KIF27: variants seen among roughly 807,000 people sequenced by gnomAD.
The protein encoded by KIF27 is kinesin family member 27, also known as kinesin-like protein KIF27.
A neutral mutation model predicts 141.8 loss-of-function variants in KIF27; 84 were observed. That is an observed-to-expected ratio of 0.59 (90% CI 0.50 to 0.71). The LOEUF is 0.71. KIF27 is among the 30% of genes least tolerant of loss of function. The probability of loss-of-function intolerance (pLI) is 0.00; values close to 1 mark genes in which losing one functional copy is unlikely to be tolerated. For missense variants in KIF27, 1,306 were observed against 1,628.4 expected (o/e 0.80, Z 3.41); for synonymous variants, 471 against 569.5 (o/e 0.83, Z 2.46).
Position 83,904,045 on chromosome 9 carries a change from A to T in KIF27, c.500-27T>A, listed in dbSNP as rs374996975. The T allele has an allele frequency of 3.6e-5, 56 of 1,540,760 alleles. 1 individual carries two copies. In the African/African-American group the frequency reaches 5.9e-4, roughly 16 times the overall value. The stretch of plus-strand genomic sequence containing the variant: ...TTAAAATAGTAATAACATGTTTTTA[A>T]GCCAAGTTTTCATCAAAACCTAGTA... On this transcript the variant is annotated intron_variant, in intron 3 of 17. Transcript: ENST00000297814.
chr9:83,880,253 T>C, intron 11 of KIF27, 44 bp downstream of exon 11: 1 of 1,612,788 alleles, frequency 6.2e-7, no homozygotes, highest in East Asian at 2.2e-5. Flanking sequence ...CTGAGCCGTT[T>C]AACATTTCAT....
chr9:83,846,701 C>T (rs1195302447), intron 16 of KIF27, among the ~76,000 whole-genome samples: 1 of 152,152 alleles, frequency 6.6e-6, no homozygotes, highest in African/African-American at 2.4e-5. Flanking sequence ...ACCATCACCC[C>T]TAGTGATCCA....
At chr9:83,852,045 T>C (rs892678049) in intron 15 of KIF27, among the ~76,000 whole-genome samples, 15 of 149,982 alleles carry the variant, frequency 1.0e-4, no homozygotes, top group African/African-American at 3.7e-4. Flanking sequence ...GGAGAATTGC[T>C]TGAACCCGGG....
At chr9:83,874,066 C>T (rs938911427) in intron 11 of KIF27, among the ~76,000 whole-genome samples, 2 of 151,224 alleles carry the variant, frequency 1.3e-5, no homozygotes, top group Non-Finnish European at 1.5e-5. Context: ...AAAAAAAGGA[C>T]ACAGGAGTAC....
intron 10 of KIF27, among the ~76,000 whole-genome samples, chr9:83,881,631 A>G (rs1336261882): frequency 6.6e-6 from 1 of 152,228 alleles, no homozygotes; most frequent in Non-Finnish European, 1.5e-5. Context: ...TTATCTCATC[A>G]CAGAACAAGA....
chr9:83,886,976 C>A (rs1252432977), intron 9 of KIF27, 65 bp downstream of exon 9: 1 of 1,452,108 alleles, frequency 6.9e-7, no homozygotes, highest in Non-Finnish European at 9.0e-7. Flanking sequence ...GTAACTGTTA[C>A]CACATCAGAA....
In KIF27 at chr9:83,848,249, G is replaced by GATATGATATACATGATATATCAT. The variant is rs1947906517; in HGVS notation, c.3556+1849_3556+1850insATGATATATCATGTATATCATAT. 2.6e-5 allele frequency among the ~76,000 whole-genome samples: 2 copies of GATATGATATACATGATATATCAT among 77,602 alleles called. 1 individual carries two copies. The highest frequency in any genetic ancestry group is 1.1e-4 in the African/African-American group (2 of 19,034). The allele number at this position is 77,602 out of a possible 152,430, so 50.9% of individuals were successfully genotyped here. A position where few individuals can be genotyped will look rare whatever the true frequency, so the allele number is the denominator to read the frequency against. On this transcript the variant is annotated intron_variant, in intron 16 of 17. Transcript: ENST00000297814. ...CAGATATGATATATATGATATATCA[G>GATATGATATACATGATATATCAT]ATATGATATATATGATATATCAGAT...
At position 83,903,600 on chromosome 9, in the gene KIF27, C is replaced by T. The variant is rs1563991066; in HGVS notation, c.918G>A (p.Leu306=). The T allele has an allele frequency of 6.2e-7, 1 of 1,614,154 alleles. No homozygotes were observed. The highest frequency in any genetic ancestry group is 8.5e-7 in the Non-Finnish European group (1 of 1,180,030). The change falls in exon 4 of 18, where the codon CTG becomes CTA. Residue 306 remains leucine (L), a synonymous_variant. Transcript: ENST00000297814. Reference sequence around the variant, plus strand: ...TCATGACAGTCTTAGCACTGCCTCCCAGAGAATCTTTCAGAAGCCGGGTAA... The same window carrying T: ...TCATGACAGTCTTAGCACTGCCTCCTAGAGAATCTTTCAGAAGCCGGGTAA... ...AKITRLLKDS[L]GGSAKTVMIT...
rs772028568 is a variant in KIF27 at position 83,850,294 on chromosome 9, C to A, written c.3361G>T (p.Val1121Leu). The change falls in exon 16 of 18, where the codon GTG becomes TTG. Residue 1121 changes from valine (V) to leucine (L), a missense_variant. Transcript: ENST00000297814. ...TTCCGTTCAGCTTCTCGCAAATTCA[C>A]CACCTAACAAATACATATTTTGACC... ...TILFRYFNKV[V>L]NLREAERKQQ... 1 of 1,609,320 alleles carries A rather than the reference C, an allele frequency of 6.2e-7. No homozygotes were observed. Among genetic ancestry groups the A allele is most frequent in the Admixed American group, 1.7e-5 (1 of 59,976 alleles).
chr9:83,870,175 CTATT>C (rs1950659120), intron 12 of KIF27, among the ~76,000 whole-genome samples: 1 of 152,076 alleles, frequency 6.6e-6, no homozygotes, highest in Non-Finnish European at 1.5e-5. Context: ...ATCTACCTAT[CTATT>C]TATTGAGAGG....
chr9:83,844,265 G>A (rs562738053), intron 16 of KIF27, among the ~76,000 whole-genome samples: 11 of 117,202 alleles, frequency 9.4e-5, no homozygotes, highest in Admixed American at 2.4e-4. Flanking sequence ...GGGACCTTGT[G>A]ATTGTGTAAG....
chr9:83,902,152 TA>T (rs1220033896), intron 4 of KIF27, among the ~76,000 whole-genome samples: 1 of 152,134 alleles, frequency 6.6e-6, no homozygotes, highest in Non-Finnish European at 1.5e-5. Flanking sequence ...ATATTACATG[TA>T]AAAAGGCTTT....
At chr9:83,913,428 C>A (rs114490391) in intron 2 of KIF27, among the ~76,000 whole-genome samples, 2,396 of 151,794 alleles carry the variant, frequency 0.016, 79 homozygotes, top group African/African-American at 0.056. Flanking sequence ...ACTAAAACAT[C>A]AAAAAATAAA....
At chr9:83,866,958 C>CA (rs536790816) in intron 13 of KIF27, among the ~76,000 whole-genome samples, 1,986 of 140,450 alleles carry the variant, frequency 0.014, 26 homozygotes, top group Middle Eastern at 0.026. Flanking sequence ...ACCCCCCCCC[C>CA]AAAAAAAGAA....
intron 3 of KIF27, 90 bp downstream of exon 3, chr9:83,908,362 G>T: frequency 1.6e-6 from 1 of 625,716 alleles, no homozygotes; most frequent in Non-Finnish European, 2.6e-6. Context: ...TGTTTTTAAA[G>T]ATTCCTTGGA....
chr9:83,905,919 G>C (rs1563997653), intron 3 of KIF27, among the ~76,000 whole-genome samples: 1 of 152,276 alleles, frequency 6.6e-6, no homozygotes, highest in East Asian at 1.9e-4. Flanking sequence ...TTGTAAGTGG[G>C]ACATTATGTA....
At chr9:83,842,516 G>A (rs2131508541) in intron 16 of KIF27, 115 bp from the exon 17 acceptor site, 1 of 1,316,198 alleles carries the variant, frequency 7.6e-7, no homozygotes, top group South Asian at 1.6e-5. Flanking sequence ...AGGCTAGAGT[G>A]CAGTGGCGTG....
Position 83,859,207 on chromosome 9 carries a change from G to T in KIF27, c.3099C>A (p.Arg1033=), listed in dbSNP as rs149424110. The T allele has an allele frequency of 1.5e-4, 244 of 1,614,050 alleles. 1 individual carries two copies. In the African/African-American group the frequency reaches 2.2e-3, roughly 15 times the overall value. ...TAAGTTTTTCATCCACATTGTGTCT[G>T]CGTTTCTGGAGCTGATCCTTTTCTT... ...LQKEKDQLQK[R]RHNVDEKLKN... The change falls in exon 14 of 18, where the codon CGC becomes CGA. Residue 1033 remains arginine (R), a synonymous_variant. Coordinates refer to ENST00000297814, the MANE Select transcript of KIF27 (RefSeq NM_017576.4).
Position 83,848,077 on chromosome 9 carries a change from G to GATAT in KIF27, c.3556+2018_3556+2021dup, listed in dbSNP as rs1947601600. 2.6e-5 allele frequency among the ~76,000 whole-genome samples: 2 copies of GATAT among 76,544 alleles called. 1 individual carries two copies. The highest frequency in any genetic ancestry group is 4.8e-5 in the Non-Finnish European group (2 of 41,506). The allele number at this position is 76,544 out of a possible 152,430, so 50.2% of individuals were successfully genotyped here. A position where few individuals can be genotyped will look rare whatever the true frequency, so the allele number is the denominator to read the frequency against. ...TCTATATATCATATATATGATATAT[G>GATAT]ATATATCATATATATGATATATATG... On this transcript the variant is annotated intron_variant, in intron 16 of 17. Coordinates refer to ENST00000297814, the MANE Select transcript of KIF27 (RefSeq NM_017576.4).
Sources: allele counts gnomAD v4.1 joint callset (sites outside exome capture counted in the v4.1 genomes callset), GRCh38; gene constraint gnomAD v4.1.1; transcripts MANE v1.5; gene names NCBI Gene and HGNC (gene_info 2026-07-23, HGNC 2026-07-21).